Variants in MYCBP2 observed in about 807,000 individuals in gnomAD.
The protein encoded by MYCBP2 is E3 ubiquitin-protein ligase MYCBP2.
MYCBP2 carries 120 observed loss-of-function variants against 525.3 expected under a neutral mutation model. The ratio of observed to expected loss-of-function variants is 0.23; its 90% CI spans 0.20 to 0.27. The LOEUF is 0.27. Ranked by LOEUF, MYCBP2 falls within the 10% of genes least tolerant of loss-of-function variation. The pLI is 1.00. For synonymous variants in MYCBP2, 1,894 were observed against 1,955.8 expected, an observed-to-expected ratio of 0.97 and a Z score of 0.83; for missense variants, 4,149 against 5,657.1, an observed-to-expected ratio of 0.73 and a Z score of 8.55.
chr13:77,202,145 A>G (rs1441242014), intron 26 of MYCBP2, among the ~76,000 whole-genome samples: 2 of 152,204 alleles, frequency 1.3e-5, no homozygotes, highest in Non-Finnish European at 2.9e-5. Flanking sequence ...GACCGCTAAC[A>G]AGACTAATAA....
intron 62 of MYCBP2, among the ~76,000 whole-genome samples, chr13:77,084,407 G>A (rs2043856574): frequency 6.6e-6 from 1 of 152,134 alleles, no homozygotes; most frequent in East Asian, 1.9e-4. Context: ...TACTGATATA[G>A]AAGTTCTGGT....
intron 1 of MYCBP2, among the ~76,000 whole-genome samples, chr13:77,298,040 C>G (rs2078380722): frequency 6.6e-6 from 1 of 152,194 alleles, no homozygotes; most frequent in Non-Finnish European, 1.5e-5. Context: ...TCTCAATTCT[C>G]TTAAGATAAA....
intron 38 of MYCBP2, 25 bp downstream of exon 38, chr13:77,171,467 A>T (rs1445059915): frequency 2.5e-6 from 4 of 1,600,278 alleles, no homozygotes; most frequent in South Asian, 2.3e-5. Context: ...CTAAAATATG[A>T]CTACTGAGAA....
At chr13:77,221,910 C>T (rs1041905496) in intron 20 of MYCBP2, among the ~76,000 whole-genome samples, 5 of 152,158 alleles carry the variant, frequency 3.3e-5, no homozygotes, top group African/African-American at 9.7e-5. Flanking sequence ...ACATAAACTA[C>T]ACATCCTCCT....
rs1219177871 is a variant in MYCBP2 at position 77,088,837 on chromosome 13, T to C, written c.10720A>G (p.Met3574Val). ...LRKSACRVFA[M>V]EAFNWLLCNV... Reference sequence around the variant, plus strand: ...TTTCATTAATGTCTTCATACCTCCATAGCAAAAACTCGACAAGCAGATTTC... The same window carrying C: ...TTTCATTAATGTCTTCATACCTCCACAGCAAAAACTCGACAAGCAGATTTC... Residue 3574 changes from methionine to valine, a missense_variant, in exon 61 of 83, where the codon ATG (methionine) becomes GTG (valine). Around this residue, in one of 21 missense-constraint regions of MYCBP2, gnomAD observed 509 missense variants for 789.4 expected, o/e 0.64. Coordinates refer to ENST00000544440, the MANE Select transcript of MYCBP2 (RefSeq NM_015057.5). 9.3e-6 allele frequency: 15 copies of C among 1,611,316 alleles called. No individual in the cohort carries two copies. Among genetic ancestry groups the C allele is most frequent in the Non-Finnish European group, 1.3e-5 (15 of 1,178,116 alleles).
chr13:77,264,176 A>G lies in MYCBP2; in HGVS notation c.1358-174T>C, dbSNP rs115726915. ...TTAGCAGAAACTAATTCAACTAATC[A>G]TACTTATTACATTTTTGCTTATATT... On this transcript the variant is annotated intron_variant, in intron 8 of 82. Coordinates refer to ENST00000544440, the MANE Select transcript of MYCBP2 (RefSeq NM_015057.5). Among the ~76,000 whole-genome samples the G allele has an allele frequency of 9.0e-3, 1,367 of 152,238 alleles. 25 individuals carry two copies. The highest frequency in any genetic ancestry group is 0.031 in the African/African-American group (1,307 of 41,582).
intron 20 of MYCBP2, among the ~76,000 whole-genome samples, chr13:77,222,763 A>C (rs1473392369): frequency 6.6e-6 from 1 of 152,202 alleles, no homozygotes. Context: ...AAGAATCACT[A>C]ATCTTTACCA....
rs895593943 is a variant in MYCBP2, at chr13:77,241,117, T to C, written c.2629+1942A>G. Among the ~76,000 whole-genome samples the C allele has an allele frequency of 3.3e-5, 5 of 152,226 alleles. No individual in the cohort carries two copies. In the East Asian group the frequency reaches 9.6e-4, roughly 29 times the overall value. On this transcript the variant is annotated intron_variant, in intron 17 of 82. Coordinates refer to ENST00000544440, the MANE Select transcript of MYCBP2 (RefSeq NM_015057.5). ...AATATTTAGCTAGTGGAGGATTTTTTTTTTAACTTTAAAGGGTTAATGTTT... is the reference window on the plus strand; with the variant it reads ...AATATTTAGCTAGTGGAGGATTTTTCTTTTAACTTTAAAGGGTTAATGTTT...
chr13:77,277,370 T>C (rs1056130820), intron 4 of MYCBP2, among the ~76,000 whole-genome samples: 6 of 152,198 alleles, frequency 3.9e-5, no homozygotes, highest in African/African-American at 1.2e-4. Flanking sequence ...CCTGCCAACA[T>C]GACAGCTTCT....
rs1490025969 is a variant in MYCBP2, at chr13:77,097,768, A to C, written c.9386T>G (p.Leu3129Arg). ...TTTCCCATCCTCACATTTTTCATGCAGAGGTGGTTCCTTAAGCATAGACAA... is the reference window on the plus strand; with the variant it reads ...TTTCCCATCCTCACATTTTTCATGCCGAGGTGGTTCCTTAAGCATAGACAA... The part of the protein sequence containing the change: ...KVLSMLKEPP[L>R]HEKCEDGKTE... The change falls in exon 56 of 83, where the codon CTG becomes CGG. Residue 3129 changes from leucine (L) to arginine (R), a missense_variant. Around this residue, in one of 21 missense-constraint regions of MYCBP2, gnomAD observed 653 missense variants for 744.7 expected, o/e 0.88. Coordinates refer to ENST00000544440, the MANE Select transcript of MYCBP2 (RefSeq NM_015057.5). 1 of 1,613,756 alleles carries C rather than the reference A, an allele frequency of 6.2e-7. No homozygotes were observed. The highest frequency in any genetic ancestry group is 8.5e-7 in the Non-Finnish European group (1 of 1,179,812).
At chr13:77,202,113 G>C (rs1190035245) in intron 26 of MYCBP2, among the ~76,000 whole-genome samples, 1 of 152,034 alleles carries the variant, frequency 6.6e-6, no homozygotes, top group African/African-American at 2.4e-5. Context: ...CTGGTTTTTT[G>C]AAAGGATCAA....
chr13:77,097,506 T>C lies in MYCBP2; in HGVS notation c.9648A>G (p.Glu3216=), dbSNP rs1359306701. 3.7e-6 allele frequency: 6 copies of C among 1,612,522 alleles called. No homozygotes were observed. The highest frequency in any genetic ancestry group is 5.1e-6 in the Non-Finnish European group (6 of 1,179,432). Residue 3216 remains glutamate, a synonymous_variant, in exon 56 of 83, where the codon GAA becomes GAG. Coordinates refer to ENST00000544440, the MANE Select transcript of MYCBP2 (RefSeq NM_015057.5). ...KKEKKKKEKA[E]VRPRGNLFGE... The stretch of plus-strand genomic sequence containing the variant: ...CAAACAAATTACCCCTGGGCCTAAC[T>C]TCTGCCTTTTCTTTTTTCTTTTTTT...
At chr13:77,285,545 G>A (rs2076635145) in intron 3 of MYCBP2, among the ~76,000 whole-genome samples, 1 of 152,176 alleles carries the variant, frequency 6.6e-6, no homozygotes, top group Non-Finnish European at 1.5e-5. Flanking sequence ...CCAGCACTTT[G>A]GGAGGCCAAG....
chr13:77,259,447 G>A (rs2072854615), intron 13 of MYCBP2, among the ~76,000 whole-genome samples: 1 of 152,138 alleles, frequency 6.6e-6, no homozygotes, highest in Non-Finnish European at 1.5e-5. Flanking sequence ...ATATGTTGAA[G>A]AAATATACAA....
intron 58 of MYCBP2, among the ~76,000 whole-genome samples, chr13:77,095,065 C>G (rs903877181): frequency 3.9e-5 from 6 of 152,138 alleles, no homozygotes; most frequent in Non-Finnish European, 5.9e-5. Context: ...TTCGCACTAA[C>G]AGAGTGAAGT....
chr13:77,143,014 C>T (rs1290295096), intron 49 of MYCBP2, among the ~76,000 whole-genome samples: 1 of 152,156 alleles, frequency 6.6e-6, no homozygotes, highest in African/African-American at 2.4e-5. Flanking sequence ...CCTTGAGGAG[C>T]ATCAGGAAAA....
Position 77,071,237 on chromosome 13 carries a change from G to GTGTGTA in MYCBP2, c.11824-527_11824-526insTACACA, listed in dbSNP as rs146458777. On this transcript the variant is annotated intron_variant, in intron 68 of 82. Coordinates refer to ENST00000544440, the MANE Select transcript of MYCBP2 (RefSeq NM_015057.5). Reference sequence around the variant, plus strand: ...GTGCCACATATGTATATATGTGTGTGTATATATATATATGCATGCACGTGT... The same window carrying GTGTGTA: ...GTGCCACATATGTATATATGTGTGTGTGTGTATATATATATATATGCATGCACGTGT... Among the ~76,000 whole-genome samples, 72 of 149,882 alleles carry GTGTGTA rather than the reference G, an allele frequency of 4.8e-4. 2 individuals carry two copies. The highest frequency in any genetic ancestry group is 2.7e-4 in the Admixed American group (4 of 15,080).
At chr13:77,164,630 C>T in intron 42 of MYCBP2, 89 bp from the exon 43 acceptor site, 1 of 820,312 alleles carries the variant, frequency 1.2e-6, no homozygotes, top group Non-Finnish European at 2.1e-6. Context: ...TCAAGCATTA[C>T]TTTTGAAATG....
In MYCBP2 at chr13:77,194,206, A is replaced by G. The variant is rs142079611; in HGVS notation, c.3882T>C (p.Thr1294=). ...ELGPDGGDHE[T]DGDLLAETDV... Reference sequence around the variant, plus strand: ...CAGTCTCTGCAAGAAGGTCACCATCAGTTTCATGATCTCCTCCATCAGGAC... The same window carrying G: ...CAGTCTCTGCAAGAAGGTCACCATCGGTTTCATGATCTCCTCCATCAGGAC... Residue 1294 remains threonine, a synonymous_variant, in exon 27 of 83, where the codon ACT becomes ACC. Transcript: ENST00000544440. 2.2e-3 allele frequency: 3,503 copies of G among 1,613,610 alleles called. 64 individuals are homozygous for G. The highest frequency in any genetic ancestry group is 7.6e-3 in the East Asian group (342 of 44,772).
Sources: allele counts gnomAD v4.1 joint callset (sites outside exome capture counted in the v4.1 genomes callset), GRCh38; gene constraint gnomAD v4.1.1; regional missense constraint gnomAD v4.1.1; transcripts MANE v1.5; gene names NCBI Gene and HGNC (gene_info 2026-07-23, HGNC 2026-07-21).